The following FOCAD variants were observed in gnomAD, a reference collection of about 807,000 sequenced individuals.
The protein encoded by FOCAD is focadhesin.
FOCAD carries 198 observed loss-of-function variants against 225.6 expected under a neutral mutation model. The ratio of observed to expected loss-of-function variants is 0.88; its 90% CI spans 0.78 to 0.99. The LOEUF is 0.99. Ranked by LOEUF, FOCAD falls within the 50% of genes least tolerant of loss-of-function variation. FOCAD has a pLI of 0.00. For missense variants in FOCAD, 2,713 were observed against 2,123.6 expected (o/e 1.28, Z -5.46); for synonymous variants, 897 against 755.0 (o/e 1.19, Z -3.08).
At chr9:20,986,577 G>T (rs749748997) in intron 40 of FOCAD, 112 bp downstream of exon 40, 19 of 935,224 alleles carry the variant, frequency 2.0e-5, no homozygotes, top group Non-Finnish European at 2.8e-5. Flanking sequence ...TATTGACACA[G>T]GTTAGGCCTT....
chr9:20,694,694 T>G (rs983102161), intron 1 of FOCAD: 8 of 152,224 alleles, frequency 5.3e-5, no homozygotes, highest in Non-Finnish European at 1.2e-4. Flanking sequence ...GTAAATGAAC[T>G]TAATTTCAAC....
intron 11 of FOCAD, among the ~76,000 whole-genome samples, chr9:20,793,934 T>C (rs977433994): frequency 6.6e-6 from 1 of 152,168 alleles, no homozygotes; most frequent in Non-Finnish European, 1.5e-5. Flanking sequence ...ATCGGTCCTC[T>C]CCATACTTGT....
chr9:20,890,033 A>AT (rs755110697), intron 21 of FOCAD, among the ~76,000 whole-genome samples: 1 of 151,892 alleles, frequency 6.6e-6, no homozygotes, highest in Non-Finnish European at 1.5e-5. Context: ...CATCCAATTG[A>AT]TTTTTTCTAT....
intron 15 of FOCAD, among the ~76,000 whole-genome samples, chr9:20,857,491 G>T (rs1450806119): frequency 6.6e-6 from 1 of 151,770 alleles, no homozygotes; most frequent in Non-Finnish European, 1.5e-5. Flanking sequence ...TTTTGTTTTG[G>T]TAGAGTCTCT....
At chr9:20,702,102 A>G (rs1252200819) in intron 1 of FOCAD, among the ~76,000 whole-genome samples, 3 of 151,002 alleles carry the variant, frequency 2.0e-5, no homozygotes, top group Non-Finnish European at 4.4e-5. Context: ...TGTTATTGTT[A>G]TTATTATTAT....
chr9:20,731,778 C>T lies in FOCAD; in HGVS notation c.288-8458C>T, dbSNP rs1030840471. ...GACTACAGACATGTGCCACCACCCCCAGCTAATTTTGTATTTTTAGTAGAG... is the reference window on the plus strand; with the variant it reads ...GACTACAGACATGTGCCACCACCCCTAGCTAATTTTGTATTTTTAGTAGAG... On this transcript the variant is annotated intron_variant, in intron 4 of 43. Transcript: ENST00000338382. Among the ~76,000 whole-genome samples the T allele has an allele frequency of 2.6e-5, 4 of 152,024 alleles. No individual in the cohort carries two copies. In the East Asian group the frequency reaches 7.7e-4, roughly 29 times the overall value.
At chr9:20,847,730 C>T (rs1217203479) in intron 15 of FOCAD, among the ~76,000 whole-genome samples, 1 of 151,900 alleles carries the variant, frequency 6.6e-6, no homozygotes, top group Non-Finnish European at 1.5e-5. Flanking sequence ...AGTAAACTTC[C>T]AAGTTTCCCT....
intron 5 of FOCAD, among the ~76,000 whole-genome samples, chr9:20,752,629 C>T (rs1046126946): frequency 6.6e-6 from 1 of 151,996 alleles, no homozygotes; most frequent in Middle Eastern, 3.4e-3. Context: ...TTAGGATTGA[C>T]TCGGCGATGC....
intron 7 of FOCAD, among the ~76,000 whole-genome samples, chr9:20,769,759 C>G (rs1817999694): frequency 6.6e-6 from 1 of 152,204 alleles, no homozygotes; most frequent in South Asian, 2.1e-4. Flanking sequence ...TTTAAGACAT[C>G]TGCACTCAGA....
intron 28 of FOCAD, among the ~76,000 whole-genome samples, chr9:20,933,912 A>C (rs1468624172): frequency 6.6e-6 from 1 of 151,922 alleles, no homozygotes; most frequent in Non-Finnish European, 1.5e-5. Context: ...TGCGGGAGTG[A>C]GGTGGTATTG....
intron 23 of FOCAD, among the ~76,000 whole-genome samples, chr9:20,914,686 G>A (rs998066566): frequency 2.6e-5 from 4 of 152,244 alleles, no homozygotes; most frequent in East Asian, 1.9e-4. Context: ...AGAGAAGTTC[G>A]GGAGATTGCA....
chr9:20,700,304 A>G (rs537356228), intron 1 of FOCAD, among the ~76,000 whole-genome samples: 1 of 152,176 alleles, frequency 6.6e-6, no homozygotes, highest in Non-Finnish European at 1.5e-5. Flanking sequence ...CTTATGTTGT[A>G]TTAAAGTAAC....
intron 8 of FOCAD, among the ~76,000 whole-genome samples, chr9:20,775,691 C>T (rs1031818392): frequency 4.6e-5 from 7 of 152,074 alleles, no homozygotes; most frequent in Non-Finnish European, 8.8e-5. Flanking sequence ...CAGTGGCATT[C>T]GTAGACCCAG....
chr9:20,737,003 G>C (rs1019028630), intron 4 of FOCAD, among the ~76,000 whole-genome samples: 1 of 151,908 alleles, frequency 6.6e-6, no homozygotes, highest in African/African-American at 2.4e-5. Context: ...TTAAATTTAA[G>C]GCAAATGTAT....
At chr9:20,958,471 T>C (rs1012370609) in intron 35 of FOCAD, among the ~76,000 whole-genome samples, 1 of 152,210 alleles carries the variant, frequency 6.6e-6, no homozygotes, top group Non-Finnish European at 1.5e-5. Flanking sequence ...GATGATATTA[T>C]GTATAGTGAT....
intron 11 of FOCAD, among the ~76,000 whole-genome samples, chr9:20,790,296 C>T (rs1282089621): frequency 6.6e-6 from 1 of 152,076 alleles, no homozygotes; most frequent in Non-Finnish European, 1.5e-5. Context: ...AATGCATTTC[C>T]TATAAAGGAA....
rs566305740 is a variant in FOCAD at position 20,937,279 on chromosome 9, T to C, written c.3407+4176T>C. On this transcript the variant is annotated intron_variant, in intron 28 of 43. Transcript: ENST00000338382. ...AGAGCCCACATTGCCAAGTCAATCCTAAGCCAAAAGAACAAAGCTGGAGGC... is the reference window on the plus strand; with the variant it reads ...AGAGCCCACATTGCCAAGTCAATCCCAAGCCAAAAGAACAAAGCTGGAGGC... Among the ~76,000 whole-genome samples, 709 of 150,702 alleles carry C rather than the reference T, an allele frequency of 4.7e-3. 4 individuals are homozygous for C. The highest frequency in any genetic ancestry group is 6.6e-3 in the Non-Finnish European group (441 of 67,000).
At chr9:20,953,768 T>C (rs1837895940) in intron 35 of FOCAD, among the ~76,000 whole-genome samples, 1 of 152,222 alleles carries the variant, frequency 6.6e-6, no homozygotes, top group African/African-American at 2.4e-5. Context: ...TGATATTCTT[T>C]CATTGATGGG....
At chr9:20,932,195 A>G (rs1192797772) in intron 27 of FOCAD, among the ~76,000 whole-genome samples, 4 of 152,140 alleles carry the variant, frequency 2.6e-5, no homozygotes, top group African/African-American at 4.8e-5. Flanking sequence ...GCGTGTGGGC[A>G]TTTGTTTTTC....
Sources: allele counts gnomAD v4.1 joint callset (sites outside exome capture counted in the v4.1 genomes callset), GRCh38; gene constraint gnomAD v4.1.1; transcripts MANE v1.5; gene names NCBI Gene and HGNC (gene_info 2026-07-23, HGNC 2026-07-21).